The following DLG2 variants were observed in gnomAD, a reference collection of about 807,000 sequenced individuals.
The protein encoded by DLG2 is disks large homolog 2.
Under a neutral mutation model 132.5 loss-of-function variants are expected in DLG2, and 45 were observed. The observed-to-expected ratio is 0.34, with a 90% CI of 0.27 to 0.44. The LOEUF (loss-of-function observed/expected upper bound fraction) is 0.44. DLG2 is among the 20% of genes least tolerant of loss of function. The probability of loss-of-function intolerance (pLI) is 1.00; values close to 1 mark genes in which losing one functional copy is unlikely to be tolerated. For missense variants in DLG2, 1,045 were observed against 1,196.9 expected (o/e 0.87, Z 1.87); for synonymous variants, 424 against 419.6 (o/e 1.01, Z -0.13).
intron 6 of DLG2, among the ~76,000 whole-genome samples, chr11:84,547,959 T>G (rs1592090315): frequency 6.6e-6 from 1 of 152,198 alleles, no homozygotes; most frequent in South Asian, 2.1e-4. Context: ...ACAGTAGAGC[T>G]GGTTATTGAA....
intron 4 of DLG2, among the ~76,000 whole-genome samples, chr11:85,205,161 TATAG>T (rs1565155401): frequency 6.8e-6 from 1 of 147,020 alleles, no homozygotes; most frequent in African/African-American, 2.5e-5. Context: ...TATATATATA[TATAG>T]ATATATATAT....
intron 5 of DLG2, among the ~76,000 whole-genome samples, chr11:85,139,699 C>T (rs1311637662): frequency 6.6e-6 from 1 of 152,048 alleles, no homozygotes; most frequent in East Asian, 1.9e-4. Context: ...TTATTACCTA[C>T]AGTCCTCATG....
chr11:83,951,704 C>T (rs1454060570), intron 14 of DLG2, among the ~76,000 whole-genome samples: 2 of 152,254 alleles, frequency 1.3e-5, no homozygotes, highest in East Asian at 1.9e-4. Context: ...GAGGTCAGAG[C>T]AGCCAGCTGG....
intron 16 of DLG2, among the ~76,000 whole-genome samples, chr11:83,850,123 A>AGAGTGTGTGTGTGT (rs1555057218): frequency 2.6e-5 from 1 of 39,044 alleles, no homozygotes; most frequent in Non-Finnish European, 5.5e-5. Context: ...ATTTGGGGTA[A>AGAGTGTGTGTGTGT]GTGTGTGTGT....
chr11:85,392,270 G>A (rs1487057797), intron 3 of DLG2, among the ~76,000 whole-genome samples: 3 of 151,994 alleles, frequency 2.0e-5, no homozygotes, highest in Non-Finnish European at 4.4e-5. Flanking sequence ...ACAAAACATT[G>A]CTGTAAGAAA....
At chr11:85,015,067 T>C (rs1252971645) in intron 6 of DLG2, among the ~76,000 whole-genome samples, 1 of 152,210 alleles carries the variant, frequency 6.6e-6, no homozygotes, top group Admixed American at 6.5e-5. Flanking sequence ...GTGTCTCTTG[T>C]GTTCATTGAA....
At chr11:84,300,446 C>G (rs2098139256) in intron 7 of DLG2, among the ~76,000 whole-genome samples, 1 of 152,116 alleles carries the variant, frequency 6.6e-6, no homozygotes, top group Admixed American at 6.5e-5. Flanking sequence ...GTGCATAGAT[C>G]ACTCATGACG....
intron 6 of DLG2, among the ~76,000 whole-genome samples, chr11:84,705,842 T>C (rs570088938): frequency 6.6e-6 from 1 of 151,934 alleles, no homozygotes; most frequent in Non-Finnish European, 1.5e-5. Context: ...TAACACTAGG[T>C]CTCAATTGCC....
At chr11:84,824,274 T>C (rs936467433) in intron 6 of DLG2, among the ~76,000 whole-genome samples, 1 of 151,968 alleles carries the variant, frequency 6.6e-6, no homozygotes, top group African/African-American at 2.4e-5. Flanking sequence ...GTCCTCATTC[T>C]ATACTAGGTG....
intron 20 of DLG2, among the ~76,000 whole-genome samples, chr11:83,537,310 A>G (rs1225269011): frequency 6.6e-6 from 1 of 152,202 alleles, no homozygotes; most frequent in Non-Finnish European, 1.5e-5. Flanking sequence ...AGCATTGGAC[A>G]GTGGGAACAT....
At chr11:84,447,250 G>C (rs2099037923) in intron 7 of DLG2, among the ~76,000 whole-genome samples, 1 of 152,106 alleles carries the variant, frequency 6.6e-6, no homozygotes, top group Admixed American at 6.6e-5. Context: ...TTGATAATAG[G>C]AGCAAATGAG....
At chr11:83,959,918 TG>T (rs1471607139) in intron 14 of DLG2, among the ~76,000 whole-genome samples, 1 of 152,090 alleles carries the variant, frequency 6.6e-6, no homozygotes, top group Non-Finnish European at 1.5e-5. Context: ...TTGTTAACGG[TG>T]AATAGTAATG....
At chr11:85,044,478 A>G (rs2062144519) in intron 6 of DLG2, among the ~76,000 whole-genome samples, 1 of 151,986 alleles carries the variant, frequency 6.6e-6, no homozygotes, top group Admixed American at 6.6e-5. Context: ...TTTTCCATGC[A>G]TTATATTCAT....
chr11:85,545,653 C>T (rs1461591681), intron 3 of DLG2, among the ~76,000 whole-genome samples: 2 of 152,140 alleles, frequency 1.3e-5, no homozygotes, highest in Non-Finnish European at 2.9e-5. Flanking sequence ...TTAATTGCTG[C>T]CTCAACTTCA....
At chr11:84,377,695 A>G (rs2098734772) in intron 7 of DLG2, among the ~76,000 whole-genome samples, 1 of 152,204 alleles carries the variant, frequency 6.6e-6, no homozygotes, top group African/African-American at 2.4e-5. Flanking sequence ...ATTGACTTCT[A>G]TATCACAAAA....
intron 6 of DLG2, among the ~76,000 whole-genome samples, chr11:85,084,735 A>C (rs1404994144): frequency 6.6e-6 from 1 of 152,160 alleles, no homozygotes; most frequent in African/African-American, 2.4e-5. Flanking sequence ...ATAACCTACC[A>C]TTCCACCTGT....
chr11:85,616,747 G>A (rs995423613), intron 2 of DLG2, among the ~76,000 whole-genome samples: 2 of 152,176 alleles, frequency 1.3e-5, no homozygotes, highest in Non-Finnish European at 2.9e-5. Flanking sequence ...TGGATCTCAA[G>A]GGATCAGGGA....
chr11:84,631,032 A>T lies in DLG2; in HGVS notation c.358-96301T>A, dbSNP rs1032897649. Among the ~76,000 whole-genome samples, 746 of 145,880 alleles carry T rather than the reference A, an allele frequency of 5.1e-3. 8 individuals are homozygous for T. Among genetic ancestry groups the T allele is most frequent in the African/African-American group, 0.016 (606 of 38,782 alleles). On this transcript the variant is annotated intron_variant, in intron 6 of 27. Coordinates refer to ENST00000376104, the MANE Select transcript of DLG2 (RefSeq NM_001142699.3). ...CTCTCTCTCTCTCACACACACACAC[A>T]CACACACACACACACACACACACAC...
At chr11:84,903,865 A>G (rs2091206989) in intron 6 of DLG2, among the ~76,000 whole-genome samples, 1 of 152,186 alleles carries the variant, frequency 6.6e-6, no homozygotes, top group South Asian at 2.1e-4. Flanking sequence ...ATTATTTCCA[A>G]CAGGTGATAA....
Sources: gnomAD v4.1 joint callset for allele counts (sites outside exome capture counted in the v4.1 genomes callset) on GRCh38, gnomAD v4.1.1 for gene constraint, MANE v1.5 for transcripts, NCBI Gene and HGNC (gene_info 2026-07-23, HGNC 2026-07-21) for gene names.